PRKG2: variants seen among roughly 807,000 people sequenced by gnomAD.
The protein encoded by PRKG2 is cGMP-dependent protein kinase 2.
Under a neutral mutation model 97.2 loss-of-function variants are expected in PRKG2, and 33 were observed. The ratio of observed to expected loss-of-function variants is 0.34; its 90% CI spans 0.26 to 0.45. The LOEUF (loss-of-function observed/expected upper bound fraction) is 0.45, where lower values mean the gene tolerates loss of function less well. PRKG2 is among the 20% of genes least tolerant of loss of function. The pLI is 1.00. For synonymous variants in PRKG2, 330 were observed against 321.8 expected (o/e 1.03, Z -0.27); for missense variants, 638 against 900.0 (o/e 0.71, Z 3.73).
rs1742376546 is a variant in PRKG2, at chr4:81,098,663, GGA to G, written c.2126+5705_2126+5706del. 2.6e-5 allele frequency among the ~76,000 whole-genome samples: 4 copies of G among 152,224 alleles called. No homozygotes were observed. The South Asian group carries it at 8.3e-4, about 32-fold the overall frequency. On this transcript the variant is annotated intron_variant, in intron 17 of 18. Transcript: ENST00000264399. The stretch of plus-strand genomic sequence containing the variant: ...AGGAAATAGGGAGGTCTGAGTAGAG[GGA>G]GAGATGGGAAAATGGGCCATCGATA...
chr4:81,210,008 C>T (rs62302272), intron 1 of PRKG2, among the ~76,000 whole-genome samples: 43,976 of 151,616 alleles, frequency 0.29, 6,831 homozygotes, highest in African/African-American at 0.41. Flanking sequence ...CAAATTGTAC[C>T]GGAACAACTA....
intron 9 of PRKG2, among the ~76,000 whole-genome samples, chr4:81,145,282 T>C (rs1016018710): frequency 1.3e-5 from 2 of 152,110 alleles, no homozygotes; most frequent in Non-Finnish European, 2.9e-5. Flanking sequence ...TTAGAGAAGA[T>C]AGTGGGAAGG....
chr4:81,110,419 G>A (rs199546787), intron 15 of PRKG2, 29 bp downstream of exon 15: 12 of 1,592,432 alleles, frequency 7.5e-6, no homozygotes, highest in Non-Finnish European at 9.4e-6. Flanking sequence ...CTCTGAAGAG[G>A]TGGCTGCATA....
chr4:81,153,292 A>G (rs1316083970), intron 7 of PRKG2: 1 of 166,130 alleles, frequency 6.0e-6, no homozygotes, highest in Non-Finnish European at 1.3e-5. Context: ...ATTGGATAAG[A>G]AAATATTCTA....
At chr4:81,156,444 C>T (rs1349199630) in intron 6 of PRKG2, among the ~76,000 whole-genome samples, 1 of 152,138 alleles carries the variant, frequency 6.6e-6, no homozygotes. Flanking sequence ...TCCTGAATGA[C>T]CTGCAAAGAG....
intron 2 of PRKG2, among the ~76,000 whole-genome samples, chr4:81,194,701 G>C (rs1049234237): frequency 6.6e-6 from 1 of 152,136 alleles, no homozygotes; most frequent in Admixed American, 6.6e-5. Flanking sequence ...AACTTACAAA[G>C]AAGTTTATCT....
At chr4:81,094,570 A>G (rs1288481721) in intron 17 of PRKG2, among the ~76,000 whole-genome samples, 2 of 152,176 alleles carry the variant, frequency 1.3e-5, no homozygotes, top group Non-Finnish European at 2.9e-5. Context: ...TTAATTTCAG[A>G]CAGTAGTAAG....
At chr4:81,104,063 A>C (rs114060998) in intron 17 of PRKG2, among the ~76,000 whole-genome samples, 5,411 of 149,042 alleles carry the variant, frequency 0.036, 334 homozygotes, top group African/African-American at 0.13. Context: ...AACAAACAAA[A>C]AAACCTAAAG....
chr4:81,149,511 G>T (rs763600139), intron 8 of PRKG2, among the ~76,000 whole-genome samples: 1 of 152,034 alleles, frequency 6.6e-6, no homozygotes, highest in African/African-American at 2.4e-5. Flanking sequence ...TTGATAAATT[G>T]TAGTGTAATT....
chr4:81,143,542 G>A (rs144928177), intron 10 of PRKG2, among the ~76,000 whole-genome samples: 477 of 152,012 alleles, frequency 3.1e-3, no homozygotes, highest in African/African-American at 0.011. Context: ...AAGGTTTACC[G>A]GTCTGGGTTA....
rs966676731 is a variant in PRKG2 at position 81,204,956 on chromosome 4, G to A, written c.92C>T (p.Thr31Ile). Residue 31 changes from threonine to isoleucine, a missense_variant, in exon 2 of 19, where the codon ACA becomes ATA. By Grantham distance (89) the Thr-to-Ile change is moderately conservative. Transcript: ENST00000264399. ...CCTCCTCAACTCTCTCTCCAGCTCT[G>A]TCACCTTGTTCCGCAGAGCATCAGT... ...LTTDALRNKV[T>I]ELERELRRKD... is the part of the protein sequence containing the mutation. 3 of 1,613,982 alleles carry A rather than the reference G, an allele frequency of 1.9e-6. No individual in the cohort carries two copies. In the African/African-American group the frequency reaches 4.0e-5, roughly 22 times the overall value.
At chr4:81,217,324 T>C (rs1754314332), upstream of PRKG2, among the ~76,000 whole-genome samples, 1 of 152,100 alleles carries the variant, frequency 6.6e-6, no homozygotes, top group South Asian at 2.1e-4. Context: ...ATATGTACTT[T>C]CTTACCGTTC....
At chr4:81,094,097 G>T (rs1314458374) in intron 17 of PRKG2, among the ~76,000 whole-genome samples, 1 of 152,104 alleles carries the variant, frequency 6.6e-6, no homozygotes, top group Non-Finnish European at 1.5e-5. Context: ...GATCAAATAA[G>T]GTATGCCTGT....
chr4:81,200,583 G>A (rs576177756), intron 2 of PRKG2, among the ~76,000 whole-genome samples: 4 of 152,114 alleles, frequency 2.6e-5, no homozygotes, highest in Non-Finnish European at 5.9e-5. Flanking sequence ...CACTAGAGTA[G>A]GACTTAAGAC....
At chr4:81,162,790 C>G (rs1749680200) in intron 6 of PRKG2, among the ~76,000 whole-genome samples, 1 of 152,144 alleles carries the variant, frequency 6.6e-6, no homozygotes, top group Admixed American at 6.6e-5. Flanking sequence ...AGCTAACATT[C>G]AATGTTCTTT....
chr4:81,153,704 T>C lies in PRKG2; in HGVS notation c.930A>G (p.Gly310=). The C allele has an allele frequency of 6.2e-7, 1 of 1,606,536 alleles. No individual in the cohort carries two copies. ...CCTCGCCCTCTCTAATGATGTAATCTCCTTTGTCATAGTATTCCTGTTGGG... is the reference window on the plus strand; with the variant it reads ...CCTCGCCCTCTCTAATGATGTAATCCCCTTTGTCATAGTATTCCTGTTGGG... ...DCLEVEYYDK[G]DYIIREGEEG... Residue 310 remains glycine (G), a synonymous_variant, in exon 7 of 19, where the codon GGA becomes GGG. Coordinates refer to ENST00000264399, the MANE Select transcript of PRKG2 (RefSeq NM_006259.3).
At chr4:81,089,842 T>A in intron 18 of PRKG2, 39 bp from the exon 19 acceptor site, 1 of 1,502,968 alleles carries the variant, frequency 6.7e-7, no homozygotes, top group Non-Finnish European at 9.3e-7. Context: ...AAGAATAATG[T>A]TGACCAAGCA....
intron 18 of PRKG2, among the ~76,000 whole-genome samples, chr4:81,091,337 C>CA (rs1344533031): frequency 6.6e-6 from 1 of 152,040 alleles, no homozygotes; most frequent in Non-Finnish European, 1.5e-5. Flanking sequence ...GGCTGGAGTG[C>CA]AGTGGCGTGA....
intron 6 of PRKG2, among the ~76,000 whole-genome samples, chr4:81,159,264 GA>G (rs955081078): frequency 7.4e-5 from 11 of 149,266 alleles, no homozygotes; most frequent in Admixed American, 3.3e-4. Context: ...AAATTTACAA[GA>G]AAAAAAAACA....
Sources: allele counts gnomAD v4.1 joint callset (sites outside exome capture counted in the v4.1 genomes callset), GRCh38; gene constraint gnomAD v4.1.1; transcripts MANE v1.5; gene names NCBI Gene and HGNC (gene_info 2026-07-23, HGNC 2026-07-21).